WWOX: variants seen among roughly 807,000 people sequenced by gnomAD.
WWOX encodes the protein WW domain-containing oxidoreductase.
In WWOX, 69 loss-of-function variants were observed where a neutral mutation model predicts 46.2. The observed-to-expected ratio is 1.49, with a 90% confidence interval of 1.23 to 1.82. The LOEUF (loss-of-function observed/expected upper bound fraction) is 1.82, where lower values mean the gene tolerates loss of function less well. Among genes scored for constraint, WWOX ranks in the 40% most tolerant of loss-of-function variants. The pLI, the probability that WWOX is intolerant of heterozygous loss-of-function variation, is 0.00. For synonymous variants in WWOX, 359 were observed against 202.6 expected (o/e 1.77, Z -6.56); for missense variants, 919 against 542.6 (o/e 1.69, Z -6.89).
At chr16:78,682,592 A>C (rs1445495441) in intron 8 of WWOX, among the ~76,000 whole-genome samples, 4 of 152,246 alleles carry the variant, frequency 2.6e-5, no homozygotes, top group African/African-American at 9.6e-5. Flanking sequence ...CTGAAGATAC[A>C]AGAAGGCCAC....
intron 8 of WWOX, among the ~76,000 whole-genome samples, chr16:79,085,818 G>A (rs2048844169): frequency 6.6e-6 from 1 of 152,130 alleles, no homozygotes; most frequent in Admixed American, 6.5e-5. Flanking sequence ...AGCTGAGACT[G>A]GAGGATCACT....
chr16:79,212,121 A>G lies in WWOX; in HGVS notation c.*325A>G, dbSNP rs960588066. On this transcript the variant is annotated 3_prime_UTR_variant, in exon 9 of 9. Coordinates refer to ENST00000566780, the MANE Select transcript of WWOX (RefSeq NM_016373.4). ...CAGCAATTCTCTTTCTTTTACTGTT[A>G]TAGAATAGCCTGAGGTCCCCTCGTC... The G allele has an allele frequency of 3.2e-5, 49 of 1,533,902 alleles. No homozygotes were observed. The African/African-American group carries it at 4.7e-4, about 15-fold the overall frequency.
intron 5 of WWOX, among the ~76,000 whole-genome samples, chr16:78,201,747 T>G (rs1018926686): frequency 6.6e-6 from 1 of 152,070 alleles, no homozygotes; most frequent in Non-Finnish European, 1.5e-5. Context: ...TCACCAAGTC[T>G]GGAGTGCAGT....
intron 8 of WWOX, among the ~76,000 whole-genome samples, chr16:79,065,922 C>G (rs1156703876): frequency 6.6e-6 from 1 of 152,220 alleles, no homozygotes; most frequent in Non-Finnish European, 1.5e-5. Flanking sequence ...TGCTCCCAGG[C>G]ATTGTTCTTG....
chr16:78,440,028 A>T (rs2083410863), intron 8 of WWOX, among the ~76,000 whole-genome samples: 1 of 152,184 alleles, frequency 6.6e-6, no homozygotes, highest in African/African-American at 2.4e-5. Context: ...ATCTGTTTGT[A>T]TCCTAGTTAT....
chr16:78,672,324 A>G (rs1165623624), intron 8 of WWOX, among the ~76,000 whole-genome samples: 1 of 152,224 alleles, frequency 6.6e-6, no homozygotes, highest in Non-Finnish European at 1.5e-5. Context: ...TACAGCTCTC[A>G]AGGCGGAAGT....
intron 5 of WWOX, among the ~76,000 whole-genome samples, chr16:78,265,670 C>T (rs1253501634): frequency 8.3e-6 from 1 of 121,212 alleles, no homozygotes; most frequent in African/African-American, 3.5e-5. Context: ...AAGAGCGAAA[C>T]TCCATGTCAA....
chr16:78,316,867 C>T (rs527779475), intron 5 of WWOX, among the ~76,000 whole-genome samples: 1 of 152,302 alleles, frequency 6.6e-6, no homozygotes, highest in African/African-American at 2.4e-5. Flanking sequence ...CAACCCTGCA[C>T]CCTGGGACAT....
intron 8 of WWOX, among the ~76,000 whole-genome samples, chr16:79,137,055 C>A (rs774279447): frequency 9.9e-5 from 15 of 152,118 alleles, no homozygotes; most frequent in South Asian, 2.1e-4. Context: ...AAGGGTTAGT[C>A]GTAGCCCTCC....
intron 5 of WWOX, among the ~76,000 whole-genome samples, chr16:78,297,664 G>A (rs2079964193): frequency 6.6e-6 from 1 of 152,108 alleles, no homozygotes. Flanking sequence ...GTTGGAGACG[G>A]AGCACCGGAC....
chr16:78,662,549 G>A (rs966605787), intron 8 of WWOX, among the ~76,000 whole-genome samples: 1 of 152,160 alleles, frequency 6.6e-6, no homozygotes, highest in African/African-American at 2.4e-5. Flanking sequence ...AAGGATGCAG[G>A]ATGAGGAAGG....
chr16:78,533,641 G>A (rs8046648), intron 8 of WWOX, among the ~76,000 whole-genome samples: 2 of 152,156 alleles, frequency 1.3e-5, no homozygotes, highest in Non-Finnish European at 2.9e-5. Context: ...AGGCAGACCT[G>A]TGATTATTTT....
intron 8 of WWOX, among the ~76,000 whole-genome samples, chr16:78,723,936 A>G (rs1390328618): frequency 1.3e-5 from 2 of 152,180 alleles, no homozygotes; most frequent in Non-Finnish European, 2.9e-5. Context: ...CCTAGACTTC[A>G]CCTGCACAGT....
At chr16:78,170,367 G>T (rs1431903152) in intron 5 of WWOX, among the ~76,000 whole-genome samples, 1 of 152,134 alleles carries the variant, frequency 6.6e-6, no homozygotes, top group South Asian at 2.1e-4. Context: ...CATCAACTCT[G>T]TGTATATAAA....
At chr16:78,164,096 T>A in intron 4 of WWOX, 87 bp from the exon 5 acceptor site, 1 of 1,247,238 alleles carries the variant, frequency 8.0e-7, no homozygotes, top group East Asian at 2.5e-5. Context: ...TTGGGGTAAT[T>A]TAAGTGGTGC....
chr16:78,543,122 C>G (rs1354290125), intron 8 of WWOX, among the ~76,000 whole-genome samples: 3 of 152,250 alleles, frequency 2.0e-5, no homozygotes, highest in African/African-American at 4.8e-5. Context: ...CTGGCATGTT[C>G]TTCTGCACAG....
rs1305062167 is a variant in WWOX, at chr16:78,393,744, A to C, written c.605+6796A>C. 2.0e-5 allele frequency among the ~76,000 whole-genome samples: 3 copies of C among 152,208 alleles called. No individual in the cohort carries two copies. In the East Asian group the frequency reaches 5.8e-4, roughly 29 times the overall value. On this transcript the variant is annotated intron_variant, in intron 6 of 8. Transcript: ENST00000566780. Reference sequence around the variant, plus strand: ...TTTAGAACTGCATTTTTGATCATGGATTTTTATGTCTCTTCTGAACTTTCT... The same window carrying C: ...TTTAGAACTGCATTTTTGATCATGGCTTTTTATGTCTCTTCTGAACTTTCT...
chr16:79,000,402 C>T (rs1229522022), intron 8 of WWOX, among the ~76,000 whole-genome samples: 1 of 152,144 alleles, frequency 6.6e-6, no homozygotes, highest in African/African-American at 2.4e-5. Context: ...GGTTGCTATT[C>T]ACTCATCTTC....
intron 8 of WWOX, among the ~76,000 whole-genome samples, chr16:78,637,729 A>G (rs1353062782): frequency 6.6e-6 from 1 of 152,166 alleles, no homozygotes; most frequent in Non-Finnish European, 1.5e-5. Flanking sequence ...ATTTGAAAGG[A>G]GCTTTAAACA....
Sources: gnomAD v4.1 joint callset for allele counts (sites outside exome capture counted in the v4.1 genomes callset) on GRCh38, gnomAD v4.1.1 for gene constraint, MANE v1.5 for transcripts, NCBI Gene and HGNC (gene_info 2026-07-23, HGNC 2026-07-21) for gene names.